The following MACROD2 variants were observed in gnomAD, a reference collection of about 807,000 sequenced individuals.
The protein encoded by MACROD2 is mono-ADP ribosylhydrolase 2.
MACROD2 carries 36 observed loss-of-function variants against 70.4 expected under a neutral mutation model. That is an observed-to-expected ratio of 0.51 (90% CI 0.39 to 0.68). MACROD2 has a LOEUF of 0.68. MACROD2 is among the 30% of genes least tolerant of loss of function. The probability of loss-of-function intolerance (pLI) is 0.00; values close to 1 mark genes in which losing one functional copy is unlikely to be tolerated. For synonymous variants in MACROD2, 172 were observed against 178.8 expected (o/e 0.96, Z 0.30); for missense variants, 496 against 538.4 (o/e 0.92, Z 0.78).
rs538753132 is a variant in MACROD2 at position 15,815,707 on chromosome 20, C to A, written c.646-47038C>A. Reference sequence around the variant, plus strand: ...CAAGGACTTCCTGGAAAAATTATCTCCTCAATTATCTTTTTTAAGTTGAAG... The same window carrying A: ...CAAGGACTTCCTGGAAAAATTATCTACTCAATTATCTTTTTTAAGTTGAAG... On this transcript the variant is annotated intron_variant, in intron 8 of 17. Coordinates refer to ENST00000684519, the MANE Select transcript of MACROD2 (RefSeq NM_001351661.2). 3.3e-5 allele frequency among the ~76,000 whole-genome samples: 5 copies of A among 152,194 alleles called. No homozygotes were observed. The East Asian group carries it at 9.7e-4, about 29-fold the overall frequency.
chr20:14,818,792 T>C (rs527489984), intron 5 of MACROD2, among the ~76,000 whole-genome samples: 2 of 151,342 alleles, frequency 1.3e-5, no homozygotes, highest in Non-Finnish European at 2.9e-5. Context: ...ATAGTATTAC[T>C]GTTTAGAGAT....
intron 7 of MACROD2, among the ~76,000 whole-genome samples, chr20:15,466,949 C>A (rs900638012): frequency 6.6e-6 from 1 of 152,190 alleles, no homozygotes; most frequent in Non-Finnish European, 1.5e-5. Flanking sequence ...TCATAATTTG[C>A]AGCTATTTAT....
chr20:14,329,124 G>A (rs977144430), intron 3 of MACROD2: 2 of 151,974 alleles, frequency 1.3e-5, no homozygotes, highest in East Asian at 1.9e-4. Flanking sequence ...ACATCCTGAG[G>A]TATGATTACC....
At chr20:14,941,991 G>T (rs1396738907) in intron 5 of MACROD2, among the ~76,000 whole-genome samples, 5 of 151,038 alleles carry the variant, frequency 3.3e-5, no homozygotes, top group Non-Finnish European at 2.9e-5. Flanking sequence ...TACAGGTGGG[G>T]TTTCGCCGTG....
At chr20:14,283,081 T>C (rs2082319016) in intron 3 of MACROD2, among the ~76,000 whole-genome samples, 1 of 152,146 alleles carries the variant, frequency 6.6e-6, no homozygotes, top group Non-Finnish European at 1.5e-5. Context: ...GAGTGGCAAA[T>C]AATTTGCAGC....
intron 2 of MACROD2, among the ~76,000 whole-genome samples, chr20:14,047,454 C>CAAAAAA (rs11479438): frequency 1.0e-5 from 1 of 99,206 alleles, no homozygotes; most frequent in African/African-American, 4.1e-5. Flanking sequence ...GACTCCGTCT[C>CAAAAAA]AAAAAAAAAA....
rs537765903 is a variant in MACROD2, at chr20:15,800,767, G to A, written c.646-61978G>A. Among the ~76,000 whole-genome samples, 658 of 152,218 alleles carry A rather than the reference G, an allele frequency of 4.3e-3. 6 individuals carry two copies. Among genetic ancestry groups the A allele is most frequent in the Middle Eastern group, 0.031 (9 of 294 alleles). On this transcript the variant is annotated intron_variant, in intron 8 of 17. Coordinates refer to ENST00000684519, the MANE Select transcript of MACROD2 (RefSeq NM_001351661.2). ...AGAAAGGGGGGAAAGGAGGGGAAAA[G>A]ATTGAGAAATCGGATGGTTGCTGTG...
intron 2 of MACROD2, among the ~76,000 whole-genome samples, chr20:14,006,898 A>AT (rs2148613543): frequency 6.6e-6 from 1 of 152,090 alleles, no homozygotes; most frequent in Admixed American, 6.5e-5. Context: ...TGGGGTTTAA[A>AT]TTTTTTTGAA....
chr20:14,408,937 T>C (rs1362950352), intron 3 of MACROD2, among the ~76,000 whole-genome samples: 1 of 152,122 alleles, frequency 6.6e-6, no homozygotes, highest in African/African-American at 2.4e-5. Context: ...AGTAACCCTG[T>C]CTATCACTTC....
chr20:14,992,090 T>C (rs532033828), intron 5 of MACROD2, among the ~76,000 whole-genome samples: 5 of 152,340 alleles, frequency 3.3e-5, no homozygotes, highest in Admixed American at 3.3e-4. Flanking sequence ...GTGTTAAATA[T>C]GGCAACCATT....
At chr20:15,374,328 A>G (rs1027175124) in intron 6 of MACROD2, among the ~76,000 whole-genome samples, 2 of 151,972 alleles carry the variant, frequency 1.3e-5, no homozygotes, top group Non-Finnish European at 2.9e-5. Flanking sequence ...ACTTACATAC[A>G]TATATAATCA....
At chr20:15,679,448 C>G (rs1371009368) in intron 8 of MACROD2, among the ~76,000 whole-genome samples, 1 of 149,766 alleles carries the variant, frequency 6.7e-6, no homozygotes, top group Non-Finnish European at 1.5e-5. Flanking sequence ...GCCTTGGTGG[C>G]CCCCATGAAC....
intron 9 of MACROD2, among the ~76,000 whole-genome samples, chr20:15,884,086 A>G (rs2064792108): frequency 1.3e-5 from 2 of 152,116 alleles, no homozygotes; most frequent in African/African-American, 2.4e-5. Flanking sequence ...CCTGAAGCTC[A>G]GGAAGATCAA....
At chr20:15,015,088 A>G (rs1049952689) in intron 5 of MACROD2, among the ~76,000 whole-genome samples, 2 of 152,150 alleles carry the variant, frequency 1.3e-5, no homozygotes, top group African/African-American at 4.8e-5. Flanking sequence ...TAGAAGCTGT[A>G]CTAATCTCAG....
chr20:15,359,512 A>T (rs1289246867), intron 6 of MACROD2, among the ~76,000 whole-genome samples: 2 of 151,602 alleles, frequency 1.3e-5, no homozygotes, highest in African/African-American at 4.8e-5. Flanking sequence ...TAATATATAC[A>T]CAATAATTTC....
chr20:15,378,791 T>G (rs1012581305), intron 6 of MACROD2, among the ~76,000 whole-genome samples: 1 of 152,194 alleles, frequency 6.6e-6, no homozygotes, highest in Non-Finnish European at 1.5e-5. Context: ...TAAGAATTTT[T>G]TTTCAACCTT....
intron 4 of MACROD2, among the ~76,000 whole-genome samples, chr20:14,565,150 C>T (rs576716233): frequency 6.6e-6 from 1 of 151,824 alleles, no homozygotes; most frequent in South Asian, 2.1e-4. Context: ...CATGGACATG[C>T]AGAGTGGAAT....
intron 4 of MACROD2, among the ~76,000 whole-genome samples, chr20:14,594,783 TCGGGATG>T (rs1982011715): frequency 1.3e-5 from 2 of 152,036 alleles, no homozygotes; most frequent in Non-Finnish European, 2.9e-5. Context: ...ACCCAGATAC[TCGGGATG>T]CTGAGGCAGG....
chr20:14,454,471 A>G (rs1478535982), intron 3 of MACROD2, among the ~76,000 whole-genome samples: 4 of 151,676 alleles, frequency 2.6e-5, no homozygotes, highest in Admixed American at 2.6e-4. Flanking sequence ...TCTAAGTAAC[A>G]GAATTCCTAA....
Sources: gnomAD v4.1 joint callset for allele counts (sites outside exome capture counted in the v4.1 genomes callset) on GRCh38, gnomAD v4.1.1 for gene constraint, MANE v1.5 for transcripts, NCBI Gene and HGNC (gene_info 2026-07-23, HGNC 2026-07-21) for gene names.